The following BIN1 variants were observed in gnomAD, a reference collection of about 807,000 sequenced individuals.
The protein encoded by BIN1 is bridging integrator 1.
A neutral mutation model predicts 82.0 loss-of-function variants in BIN1; 53 were observed. That is an observed-to-expected ratio of 0.65 (90% CI 0.52 to 0.81). The LOEUF (loss-of-function observed/expected upper bound fraction) is 0.81. Ranked by LOEUF, BIN1 falls within the 40% of genes least tolerant of loss-of-function variation. The probability of loss-of-function intolerance (pLI) is 0.00; values close to 1 mark genes in which losing one functional copy is unlikely to be tolerated. For missense variants in BIN1, 642 were observed against 784.4 expected (o/e 0.82, Z 2.17); for synonymous variants, 302 against 328.0 (o/e 0.92, Z 0.86).
intron 7 of BIN1, among the ~76,000 whole-genome samples, chr2:127,065,234 C>A (rs1373488508): frequency 6.6e-6 from 1 of 152,126 alleles, no homozygotes; most frequent in Non-Finnish European, 1.5e-5. Flanking sequence ...TCCAGCTACT[C>A]GCTAGAGTGG....
chr2:127,071,171 G>C (rs1004298895), intron 2 of BIN1, among the ~76,000 whole-genome samples: 1 of 152,142 alleles, frequency 6.6e-6, no homozygotes, highest in Admixed American at 6.5e-5. Context: ...GGCACTCACA[G>C]ACCTGCCCTC....
At chr2:127,085,971 C>T (rs563374018) in intron 1 of BIN1, among the ~76,000 whole-genome samples, 9 of 152,326 alleles carry the variant, frequency 5.9e-5, no homozygotes, top group East Asian at 1.9e-4. Context: ...CCTATGGAGC[C>T]CAGTTGAGGC....
intron 10 of BIN1, among the ~76,000 whole-genome samples, chr2:127,061,354 C>T (rs1452023009): frequency 6.6e-6 from 1 of 152,164 alleles, no homozygotes; most frequent in Non-Finnish European, 1.5e-5. Flanking sequence ...CCTCATCATC[C>T]CAGGCAATAC....
chr2:127,048,518 C>T lies in BIN1; in HGVS notation c.*8G>A, dbSNP rs369990800. On this transcript the variant is annotated 3_prime_UTR_variant, in exon 19 of 19. Coordinates refer to ENST00000316724, the MANE Select transcript of BIN1 (RefSeq NM_139343.3). ...TTCACACGCCCGGAGGCTGCCTGGG[C>T]CCCGCCGTCATGGGACCCTCTCAGT... 1.2e-6 allele frequency: 2 copies of T among 1,612,988 alleles called. No homozygotes were observed. The highest frequency in any genetic ancestry group is 1.7e-6 in the Non-Finnish European group (2 of 1,179,260).
chr2:127,074,576 C>T (rs1686351381), intron 2 of BIN1, among the ~76,000 whole-genome samples: 1 of 152,230 alleles, frequency 6.6e-6, no homozygotes, highest in African/African-American at 2.4e-5. Context: ...GTCAGAGACC[C>T]AGAGAGGATG....
chr2:127,049,926 A>G (rs1682667824), intron 18 of BIN1, among the ~76,000 whole-genome samples: 2 of 152,208 alleles, frequency 1.3e-5, no homozygotes, highest in Non-Finnish European at 2.9e-5. Flanking sequence ...TGGGAAGCCC[A>G]TGGCCCTGCG....
chr2:127,057,326 G>A lies in BIN1; in HGVS notation c.1131+147C>T, dbSNP rs1683823414. ...TGGAGGATGATGGAGGATGATGGAT[G>A]GAGGGAACAAAGGGTGAGAGAGGGA... On this transcript the variant is annotated intron_variant, in intron 12 of 18. Coordinates refer to ENST00000316724, the MANE Select transcript of BIN1 (RefSeq NM_139343.3). This position sits in a 1 kb window ranked among gnomAD's most constrained non-coding sequence, Gnocchi z 5.0. 5 of 1,123,824 alleles carry A rather than the reference G, an allele frequency of 4.4e-6. No individual in the cohort carries two copies. Among genetic ancestry groups the A allele is most frequent in the African/African-American group, 3.1e-5 (2 of 63,590 alleles). The allele number at this position is 1,123,824 out of a possible 1,614,324, so 69.6% of individuals were successfully genotyped here.
At chr2:127,095,029 C>T (rs1044512623) in intron 1 of BIN1, among the ~76,000 whole-genome samples, 1 of 152,184 alleles carries the variant, frequency 6.6e-6, no homozygotes, top group Non-Finnish European at 1.5e-5. Flanking sequence ...GGCTGCCTTC[C>T]AGGACAGGCT....
intron 1 of BIN1, among the ~76,000 whole-genome samples, chr2:127,077,248 CAG>C (rs1479117772): frequency 2.0e-5 from 3 of 152,078 alleles, no homozygotes; most frequent in Admixed American, 2.0e-4. Flanking sequence ...GGGGGCCACG[CAG>C]AGTCTGCTTC....
chr2:127,048,737 T>C (rs1475357295), intron 18 of BIN1, 104 bp from the exon 19 acceptor site: 5 of 1,082,750 alleles, frequency 4.6e-6, no homozygotes, highest in African/African-American at 1.6e-5. Flanking sequence ...CTCCTCCTGC[T>C]GTTGGTGCCT....
intron 2 of BIN1, among the ~76,000 whole-genome samples, chr2:127,075,685 C>G (rs1383765106): frequency 6.6e-6 from 1 of 151,918 alleles, no homozygotes; most frequent in East Asian, 1.9e-4. Flanking sequence ...CCCAGCCCTC[C>G]CAGCTGCTCC....
rs937564049 is a variant in BIN1 at position 127,050,463 on chromosome 2, A to C, written c.1632T>G (p.Gly544=). Residue 544 remains glycine, a synonymous_variant, in exon 18 of 19, where the codon GGT becomes GGG. Coordinates refer to ENST00000316724, the MANE Select transcript of BIN1 (RefSeq NM_139343.3). ...GGAAGGGGATCACCAGCACCACATC[A>C]CCAGCCTTGAGCTGCAGCTCGTCTG... ...TDTDELQLKA[G]DVVLVIPFQN... The C allele has an allele frequency of 1.2e-5, 19 of 1,614,032 alleles. No homozygotes were observed. Among genetic ancestry groups the C allele is most frequent in the Non-Finnish European group, 1.5e-5 (18 of 1,180,020 alleles).
chr2:127,052,569 C>G (rs1456001005), intron 14 of BIN1: 6 of 592,580 alleles, frequency 1.0e-5, no homozygotes, highest in African/African-American at 1.9e-5. Context: ...TGTGACTGTG[C>G]TGCCCAAGCT....
chr2:127,082,802 A>C lies in BIN1; in HGVS notation c.85-6096T>G, dbSNP rs1687465962. 6.7e-6 allele frequency among the ~76,000 whole-genome samples: 1 copy of C among 149,562 alleles called. No homozygotes were observed. The highest frequency in any genetic ancestry group is 1.5e-5 in the Non-Finnish European group (1 of 67,388). ...CCCACTCCGACAGTGGAGCCACCTA[A>C]GCCTGCTCCCCACCTCTGGGTGGAG... On this transcript the variant is annotated intron_variant, in intron 1 of 18. Transcript: ENST00000316724. The surrounding 1 kb of genome is among the most constrained non-coding windows in gnomAD (Gnocchi z 6.1).
chr2:127,094,041 G>A (rs754535454), intron 1 of BIN1, among the ~76,000 whole-genome samples: 10 of 152,158 alleles, frequency 6.6e-5, no homozygotes, highest in Non-Finnish European at 8.8e-5. Context: ...TCCACGAGCC[G>A]GCACCCCGAC....
intron 1 of BIN1, among the ~76,000 whole-genome samples, chr2:127,091,492 C>G (rs1678917604): frequency 6.6e-6 from 1 of 152,230 alleles, no homozygotes; most frequent in African/African-American, 2.4e-5. Context: ...AAGGCTGATT[C>G]CACTGTATTT....
At chr2:127,074,082 A>G (rs1296230825) in intron 2 of BIN1, among the ~76,000 whole-genome samples, 3 of 151,954 alleles carry the variant, frequency 2.0e-5, no homozygotes, top group African/African-American at 7.3e-5. Flanking sequence ...TAAAGACTAA[A>G]TCACCTGCCA....
At position 127,070,089 on chromosome 2, in the gene BIN1, T is replaced by C. The variant is rs1172180320; in HGVS notation, c.317A>G (p.Asn106Ser). Residue 106 changes from asparagine to serine, a missense_variant and splice_region_variant, in exon 5 of 19, where the codon AAC (asparagine) becomes AGC (serine). By Grantham distance (46) the Asn-to-Ser change is conservative. Transcript: ENST00000316724. ...GTAATCCATCCACAGCAGGTCGTTGTTCTGAGACAGGCAAGAGCACGACAG... is the reference window on the plus strand; with the variant it reads ...GTAATCCATCCACAGCAGGTCGTTGCTCTGAGACAGGCAAGAGCACGACAG... ...GRDEANKIAE[N>S]NDLLWMDYHQ... 1 of 1,613,860 alleles carries C rather than the reference T, an allele frequency of 6.2e-7. No homozygotes were observed. Among genetic ancestry groups the C allele is most frequent in the Non-Finnish European group, 8.5e-7 (1 of 1,179,926 alleles).
chr2:127,073,247 C>T (rs147822598), intron 2 of BIN1, among the ~76,000 whole-genome samples: 34 of 152,368 alleles, frequency 2.2e-4, no homozygotes, highest in East Asian at 1.4e-3. Flanking sequence ...CCTCCCCCGA[C>T]GGAGGCCCCA....
Sources: gnomAD v4.1 joint callset for allele counts (sites outside exome capture counted in the v4.1 genomes callset) on GRCh38, gnomAD v4.1.1 for gene constraint, Gnocchi (gnomAD v3.1) non-coding constraint, MANE v1.5 for transcripts, NCBI Gene and HGNC (gene_info 2026-07-23, HGNC 2026-07-21) for gene names.